The following RNF19B variants were observed in gnomAD, a reference collection of about 807,000 sequenced individuals.
The protein encoded by RNF19B is E3 ubiquitin-protein ligase RNF19B.
A neutral mutation model predicts 65.5 loss-of-function variants in RNF19B; 23 were observed. The ratio of observed to expected loss-of-function variants is 0.35; its 90% CI spans 0.25 to 0.50. The LOEUF is 0.50. RNF19B is among the 20% of genes least tolerant of loss of function. RNF19B has a pLI of 0.98. For synonymous variants in RNF19B, 372 were observed against 379.6 expected (o/e 0.98, Z 0.23); for missense variants, 794 against 980.0 (o/e 0.81, Z 2.53).
At chr1:32,940,198 A>C (rs1642200214) in intron 7 of RNF19B, among the ~76,000 whole-genome samples, 1 of 152,212 alleles carries the variant, frequency 6.6e-6, no homozygotes, top group Non-Finnish European at 1.5e-5. Flanking sequence ...GTCTTTCAGA[A>C]AGGGCTCCTA....
chr1:32,944,275 G>T, intron 5 of RNF19B, 116 bp from the exon 6 acceptor site: 2 of 1,193,646 alleles, frequency 1.7e-6, no homozygotes, highest in Non-Finnish European at 1.2e-6. Context: ...ACAGAAAGTG[G>T]CTATCCCAAA....
intron 1 of RNF19B, among the ~76,000 whole-genome samples, chr1:32,962,248 C>T (rs559448951): frequency 5.9e-5 from 9 of 152,274 alleles, no homozygotes; most frequent in East Asian, 3.9e-4. Context: ...GGACTATAGG[C>T]GTGAGCCACC....
At chr1:32,962,600 G>A (rs558998007) in intron 1 of RNF19B, among the ~76,000 whole-genome samples, 1 of 152,168 alleles carries the variant, frequency 6.6e-6, no homozygotes, top group South Asian at 2.1e-4. Context: ...TTTGAAAGGA[G>A]ACAACCAGCA....
intron 1 of RNF19B, among the ~76,000 whole-genome samples, chr1:32,958,904 G>A (rs1642706602): frequency 1.3e-5 from 2 of 152,126 alleles, no homozygotes; most frequent in Non-Finnish European, 2.9e-5. Context: ...TGAGACAGAT[G>A]TATTGGGATG....
At chr1:32,933,369 C>T (rs1642052853), downstream of RNF19B, among the ~76,000 whole-genome samples, 1 of 152,096 alleles carries the variant, frequency 6.6e-6, no homozygotes, top group African/African-American at 2.4e-5. Context: ...ATTCTCCTGC[C>T]TCAGCCTCTC....
chr1:32,933,864 T>TA (rs1398183830), downstream of RNF19B, among the ~76,000 whole-genome samples: 3 of 152,090 alleles, frequency 2.0e-5, no homozygotes, highest in African/African-American at 7.2e-5. Context: ...AGACTCAGAG[T>TA]AAACTGCCCA....
At chr1:32,959,658 C>G (rs573496168) in intron 1 of RNF19B, among the ~76,000 whole-genome samples, 2 of 152,144 alleles carry the variant, frequency 1.3e-5, no homozygotes, top group East Asian at 3.9e-4. Context: ...TATAAAAAAT[C>G]AGTTATTTGT....
chr1:32,935,083 GC>G (rs1642075589), downstream of RNF19B, among the ~76,000 whole-genome samples: 1 of 151,694 alleles, frequency 6.6e-6, no homozygotes. Context: ...ACCCGCCTTG[GC>G]CTCCCAAAGT....
chr1:32,936,935 G>A lies in RNF19B; in HGVS notation c.2067C>T (p.Ser689=), dbSNP rs956090525. 2.5e-6 allele frequency: 4 copies of A among 1,613,892 alleles called. No homozygotes were observed. The African/African-American group carries it at 4.0e-5, about 16-fold the overall frequency. Residue 689 remains serine (S), a synonymous_variant, in exon 9 of 9, where the codon TCC becomes TCT. Coordinates refer to ENST00000235150, the MANE Select transcript of RNF19B (RefSeq NM_001300826.2). ...ITSDECGSPR[S]HTAACPSTPR... is the part of the protein sequence containing the mutation. ...GGGTCGAGGGGCAGGCTGCAGTATG[G>A]GAGCGGGGGGAGCCACACTCATCTG...
In RNF19B at chr1:32,936,699, C is replaced by G; in HGVS notation, c.*107G>C. ...GGGCAAAAACCTGTGACCAGAGAAT[C>G]TGTGAAATAAAATACATAAATCTCT... On this transcript the variant is annotated 3_prime_UTR_variant, in exon 9 of 9. Transcript: ENST00000235150. 4 of 1,063,810 alleles carry G rather than the reference C, an allele frequency of 3.8e-6. No homozygotes were observed. The highest frequency in any genetic ancestry group is 3.1e-5 in the South Asian group (1 of 32,060). The allele number at this position is 1,063,810 out of a possible 1,614,324, so 65.9% of individuals were successfully genotyped here.
chr1:32,944,424 T>C (rs1642316688), intron 5 of RNF19B, among the ~76,000 whole-genome samples: 1 of 152,238 alleles, frequency 6.6e-6, no homozygotes, highest in Non-Finnish European at 1.5e-5. Context: ...GAATGCTATG[T>C]ACTGTGTTTT....
In RNF19B at chr1:32,964,652, A is replaced by C; in HGVS notation, c.34T>G (p.Ser12Ala). 1 of 1,473,782 alleles carries C rather than the reference A, an allele frequency of 6.8e-7. No homozygotes were observed. 91.3% of individuals were successfully genotyped at this position (1,473,782 alleles called of 1,614,324 possible). Residue 12 changes from serine (S) to alanine (A), a missense_variant, in exon 1 of 9, where the codon TCC becomes GCC. This residue lies in a region of RNF19B where 374 missense variants were observed against 423.8 expected (regional missense o/e 0.88). Coordinates refer to ENST00000235150, the MANE Select transcript of RNF19B (RefSeq NM_001300826.2). This position sits in a 1 kb window ranked among gnomAD's most constrained non-coding sequence, Gnocchi z 6.5. ...GSEKDSESPR[S>A]TSLHAAAPDP... ...GGTGCGGCCGCATGTAGCGATGTGGAGCGCGGCGACTCGGAGTCCTTCTCG... is the reference window on the plus strand; with the variant it reads ...GGTGCGGCCGCATGTAGCGATGTGGCGCGCGGCGACTCGGAGTCCTTCTCG...
intron 1 of RNF19B, among the ~76,000 whole-genome samples, chr1:32,957,213 C>T (rs1450153047): frequency 6.6e-6 from 1 of 152,142 alleles, no homozygotes; most frequent in Non-Finnish European, 1.5e-5. Context: ...TGCTATTACC[C>T]AGGCTGGTCT....
At position 32,942,244 on chromosome 1, in the gene RNF19B, T is replaced by A. The variant is rs769214241; in HGVS notation, c.1610+8A>T. On this transcript the variant is annotated splice_region_variant and intron_variant, in intron 7 of 8. Coordinates refer to ENST00000235150, the MANE Select transcript of RNF19B (RefSeq NM_001300826.2). ...ACCATTTCTGTCAGAAATTATCTAT[T>A]TGTTTACCTGCTATATTTTCCCTTG... is the stretch of plus-strand genomic sequence containing the variant. 6.3e-7 allele frequency: 1 copy of A among 1,594,974 alleles called. No individual in the cohort carries two copies. The highest frequency in any genetic ancestry group is 2.3e-5 in the East Asian group (1 of 44,378).
chr1:32,939,425 T>C (rs1223798648), intron 7 of RNF19B, among the ~76,000 whole-genome samples: 3 of 152,128 alleles, frequency 2.0e-5, no homozygotes, highest in African/African-American at 7.2e-5. Context: ...AAACCTCAGG[T>C]GATCACCCAC....
Position 32,964,491 on chromosome 1 carries a change from G to GGGC in RNF19B, c.192_194dup (p.Pro65dup), listed in dbSNP as rs1199106832. 5.4e-5 allele frequency: 51 copies of GGGC among 947,162 alleles called. No homozygotes were observed. Among genetic ancestry groups the GGGC allele is most frequent in the Non-Finnish European group, 6.0e-5 (48 of 798,464 alleles). 58.7% of individuals were successfully genotyped at this position (947,162 alleles called of 1,614,324 possible). ...CCTGGGCCGCGGCAGGGGCCGGGGC[G>GGGC]GGCGGCGGCTGCGCAGCCGGGGGCG... On this transcript the variant is annotated inframe_insertion, in exon 1 of 9. Transcript: ENST00000235150. The surrounding 1 kb of genome is among the most constrained non-coding windows in gnomAD (Gnocchi z 6.5).
chr1:32,945,459 A>G, intron 5 of RNF19B, 55 bp downstream of exon 5: 2 of 1,151,470 alleles, frequency 1.7e-6, no homozygotes, highest in Non-Finnish European at 1.3e-6. Context: ...CCATCTGGCT[A>G]AACTGCTATG....
At position 32,936,732 on chromosome 1, in the gene RNF19B, GGA is replaced by G; in HGVS notation, c.*72_*73del. On this transcript the variant is annotated 3_prime_UTR_variant, in exon 9 of 9. Transcript: ENST00000235150. Reference sequence around the variant, plus strand: ...TAAAATACATAAATCTCTACCCCTTGGAAAAAAAAAAAAAAAAATTCCAAAAG... The same window carrying G: ...TAAAATACATAAATCTCTACCCCTTGAAAAAAAAAAAAAAAATTCCAAAAG... 1 of 1,218,422 alleles carries G rather than the reference GGA, an allele frequency of 8.2e-7. No individual in the cohort carries two copies. Among genetic ancestry groups the G allele is most frequent in the Non-Finnish European group, 1.1e-6 (1 of 896,968 alleles). 75.5% of individuals were successfully genotyped at this position (1,218,422 alleles called of 1,614,324 possible). A position where few individuals can be genotyped will look rare whatever the true frequency, so the allele number is the denominator to read the frequency against.
chr1:32,942,019 C>T (rs1326180037), intron 7 of RNF19B, among the ~76,000 whole-genome samples: 3 of 152,126 alleles, frequency 2.0e-5, no homozygotes, highest in Non-Finnish European at 4.4e-5. Context: ...ATCGCTTGAA[C>T]CCAGGAGGCG....
Sources: allele counts gnomAD v4.1 joint callset (sites outside exome capture counted in the v4.1 genomes callset), GRCh38; gene constraint gnomAD v4.1.1; regional missense constraint gnomAD v4.1.1; non-coding constraint Gnocchi (gnomAD v3.1); transcripts MANE v1.5; gene names NCBI Gene and HGNC (gene_info 2026-07-23, HGNC 2026-07-21).